DNMBP: variants seen among roughly 807,000 people sequenced by gnomAD.
DNMBP encodes the protein dynamin-binding protein.
In DNMBP, 87 loss-of-function variants were observed where a neutral mutation model predicts 150.0. The observed-to-expected ratio is 0.58, with a 90% CI of 0.49 to 0.69. The LOEUF is 0.69. DNMBP is among the 30% of genes least tolerant of loss of function. DNMBP has a pLI of 0.00. For synonymous variants in DNMBP, 711 were observed against 750.4 expected (o/e 0.95, Z 0.86); for missense variants, 1,774 against 1,949.0 (o/e 0.91, Z 1.69).
At chr10:99,999,135 T>G (rs577538120) in intron 1 of DNMBP, among the ~76,000 whole-genome samples, 7 of 152,256 alleles carry the variant, frequency 4.6e-5, no homozygotes, top group African/African-American at 1.7e-4. Context: ...TGCTGGTGAG[T>G]TAGTCTCGCA....
intron 1 of DNMBP, among the ~76,000 whole-genome samples, chr10:100,001,570 C>T (rs2041013400): frequency 6.7e-6 from 1 of 148,648 alleles, no homozygotes; most frequent in South Asian, 2.1e-4. Flanking sequence ...TGCCACCATG[C>T]CCGGCTAGTT....
intron 1 of DNMBP, among the ~76,000 whole-genome samples, chr10:99,980,408 C>G (rs905026321): frequency 2.7e-5 from 4 of 150,076 alleles, no homozygotes; most frequent in African/African-American, 9.9e-5. Context: ...GATTGGGCCA[C>G]TGCACTCCAG....
rs1345339674 is a variant in DNMBP at position 99,875,727 on chromosome 10, C to CT, written c.*1423dup. 7 of 151,936 alleles carry CT rather than the reference C, an allele frequency of 4.6e-5. No homozygotes were observed. The highest frequency in any genetic ancestry group is 1.0e-4 in the Non-Finnish European group (7 of 67,978). The allele number at this position is 151,936 out of a possible 1,614,324, so 9.4% of individuals were successfully genotyped here. A position where few individuals can be genotyped will look rare whatever the true frequency, so the allele number is the denominator to read the frequency against. On this transcript the variant is annotated 3_prime_UTR_variant, in exon 17 of 17. Transcript: ENST00000324109. The stretch of plus-strand genomic sequence containing the variant: ...GTTAGGACTCCACGGTGTCTCCCGA[C>CT]TCCCAGGATTTTAAGGCTAAATGTG...
chr10:99,937,635 C>A (rs1004178574), intron 4 of DNMBP, among the ~76,000 whole-genome samples: 3 of 152,190 alleles, frequency 2.0e-5, no homozygotes, highest in African/African-American at 7.2e-5. Flanking sequence ...ACTACCGAGG[C>A]AAGCCATGTA....
At position 99,914,665 on chromosome 10, in the gene DNMBP, A is replaced by C. The variant is rs371403115; in HGVS notation, c.2261-5519T>G. Among the ~76,000 whole-genome samples the C allele has an allele frequency of 1.8e-4, 28 of 152,334 alleles. 1 individual carries two copies. The highest frequency in any genetic ancestry group is 6.5e-4 in the Admixed American group (10 of 15,296). On this transcript the variant is annotated intron_variant, in intron 4 of 16. Transcript: ENST00000324109. The stretch of plus-strand genomic sequence containing the variant: ...CCAAACATTTACACTTAAATGAACC[A>C]GGGAGAAGAAAGGCACACAACAATA...
Position 99,908,981 on chromosome 10 carries a change from C to T in DNMBP, c.2426G>A (p.Arg809Gln), listed in dbSNP as rs564066593. The T allele has an allele frequency of 2.4e-5, 39 of 1,613,634 alleles. No individual in the cohort carries two copies. The highest frequency in any genetic ancestry group is 1.7e-4 in the Middle Eastern group (1 of 6,060). Residue 809 changes from arginine (R) to glutamine (Q), a missense_variant, in exon 5 of 17, where the codon CGG becomes CAG. Arg to Gln is a conservative substitution (Grantham distance 43). This residue lies in a region of DNMBP where 1,430 missense variants were observed against 1,492.5 expected (regional missense o/e 0.96). Transcript: ENST00000324109. Reference sequence around the variant, plus strand: ...TGCCTGCTGCATGGGTACCATGATCCGCTCAATACACATTTCCAGATCCCG... The same window carrying T: ...TGCCTGCTGCATGGGTACCATGATCTGCTCAATACACATTTCCAGATCCCG... ...YIRDLEMCIE[R>Q]IMVPMQQAQV...
intron 4 of DNMBP, among the ~76,000 whole-genome samples, chr10:99,915,898 G>C (rs74593376): frequency 0.072 from 11,020 of 152,166 alleles, 623 homozygotes; most frequent in African/African-American, 0.16. Flanking sequence ...ACCTACCTTG[G>C]CTCCAGAGTC....
At chr10:99,953,535 T>G (rs1414908692) in intron 4 of DNMBP, among the ~76,000 whole-genome samples, 1 of 152,062 alleles carries the variant, frequency 6.6e-6, no homozygotes, top group African/African-American at 2.4e-5. Flanking sequence ...ATTACTATTA[T>G]TAAAATCTAC....
chr10:99,964,524 C>T (rs1380303537), intron 3 of DNMBP, among the ~76,000 whole-genome samples: 1 of 150,708 alleles, frequency 6.6e-6, no homozygotes, highest in Non-Finnish European at 1.5e-5. Context: ...GTCAGGGGCA[C>T]TGGCCACCTG....
chr10:99,891,788 C>G (rs537626943), intron 11 of DNMBP, among the ~76,000 whole-genome samples: 14 of 151,396 alleles, frequency 9.2e-5, no homozygotes, highest in Admixed American at 7.2e-4. Context: ...GCCCGGCCGC[C>G]CATCGTCTGA....
In DNMBP at chr10:99,956,605, C is replaced by G. The variant is rs2040499505; in HGVS notation, c.869G>C (p.Gly290Ala). The change falls in exon 4 of 17, where the codon GGC (glycine) becomes GCC (alanine). Residue 290 changes from glycine (G) to alanine (A), a missense_variant. Physicochemically the swap from Gly to Ala is moderately conservative, Grantham distance 60 (BLOSUM62 0). Transcript: ENST00000324109. ...WLEGSLKGRT[G>A]IFPYRFVKLC... ...TTTCACAAACCGGTAAGGAAAGATGCCTGTCCTGCCCTTCAGGGATCCTTC... is the reference window on the plus strand; with the variant it reads ...TTTCACAAACCGGTAAGGAAAGATGGCTGTCCTGCCCTTCAGGGATCCTTC... The G allele has an allele frequency of 6.2e-7, 1 of 1,614,036 alleles. No homozygotes were observed. The highest frequency in any genetic ancestry group is 1.3e-5 in the African/African-American group (1 of 74,908).
chr10:99,973,097 A>G (rs1446736736), intron 1 of DNMBP, among the ~76,000 whole-genome samples: 5 of 151,744 alleles, frequency 3.3e-5, no homozygotes, highest in African/African-American at 1.2e-4. Context: ...TTATTTATTT[A>G]TTTATTTATT....
Position 99,877,116 on chromosome 10 carries a change from A to C in DNMBP, c.*35T>G. The C allele has an allele frequency of 6.4e-7, 1 of 1,573,316 alleles. No homozygotes were observed. Among genetic ancestry groups the C allele is most frequent in the East Asian group, 2.3e-5 (1 of 43,498 alleles). On this transcript the variant is annotated 3_prime_UTR_variant, in exon 17 of 17. Coordinates refer to ENST00000324109, the MANE Select transcript of DNMBP (RefSeq NM_015221.4). ...CCAGAACCCTCGGCGGACTGAAAGC[A>C]AAGGCAGCAAGGCTGGGTGGCAGGC...
intron 1 of DNMBP, among the ~76,000 whole-genome samples, chr10:99,994,407 G>T (rs1272410466): frequency 1.3e-5 from 2 of 152,164 alleles, no homozygotes; most frequent in East Asian, 1.9e-4. Flanking sequence ...GGGTGATGAC[G>T]ATTATGACCA....
intron 1 of DNMBP, among the ~76,000 whole-genome samples, chr10:100,008,289 T>A (rs1330598163): frequency 1.3e-5 from 2 of 152,226 alleles, no homozygotes; most frequent in Non-Finnish European, 2.9e-5. Flanking sequence ...TATTATTATC[T>A]CAGCCAAAAA....
chr10:99,940,441 GCT>G (rs1320993139), intron 4 of DNMBP, among the ~76,000 whole-genome samples: 2 of 152,096 alleles, frequency 1.3e-5, no homozygotes, highest in Non-Finnish European at 2.9e-5. Context: ...AAGGGTCCCT[GCT>G]CTGATCCCAG....
chr10:99,888,893 C>T lies in DNMBP; in HGVS notation c.3217G>A (p.Gly1073Arg). 1 of 1,614,172 alleles carries T rather than the reference C, an allele frequency of 6.2e-7. No homozygotes were observed. Among genetic ancestry groups the T allele is most frequent in the Non-Finnish European group, 8.5e-7 (1 of 1,180,038 alleles). The change falls in exon 12 of 17, where the codon GGA becomes AGA. Residue 1073 changes from glycine (G) to arginine (R), a missense_variant. Gly to Arg is a moderately radical substitution (Grantham distance 125). Coordinates refer to ENST00000324109, the MANE Select transcript of DNMBP (RefSeq NM_015221.4). ...TCAAACTGCTCCAGGTCCCGGTGTC[C>T]TCTCTCCATGCACACATCCCACATG... ...VSMWDVCMERGHRDLEQFERV... is the reference protein window; with the variant it reads ...VSMWDVCMERRHRDLEQFERV...
At chr10:99,949,484 G>A (rs2040395950) in intron 4 of DNMBP, among the ~76,000 whole-genome samples, 1 of 152,080 alleles carries the variant, frequency 6.6e-6, no homozygotes, top group Non-Finnish European at 1.5e-5. Flanking sequence ...ACCTCTTGAG[G>A]GATAGCTTAT....
chr10:99,928,726 A>G (rs1173673227), intron 4 of DNMBP, among the ~76,000 whole-genome samples: 1 of 152,190 alleles, frequency 6.6e-6, no homozygotes, highest in African/African-American at 2.4e-5. Context: ...GAGTGTCAGT[A>G]CTCATCATTC....
Sources: allele counts gnomAD v4.1 joint callset (sites outside exome capture counted in the v4.1 genomes callset), GRCh38; gene constraint gnomAD v4.1.1; regional missense constraint gnomAD v4.1.1; transcripts MANE v1.5; gene names NCBI Gene and HGNC (gene_info 2026-07-23, HGNC 2026-07-21).